KLHL29: variants seen among roughly 807,000 people sequenced by gnomAD.
The protein encoded by KLHL29 is kelch-like protein 29.
Under a neutral mutation model 80.4 loss-of-function variants are expected in KLHL29, and 21 were observed. That is an observed-to-expected ratio of 0.26 (90% CI 0.19 to 0.38). KLHL29 has a LOEUF of 0.38. Among genes scored for constraint, KLHL29 ranks in the 10% least tolerant of loss-of-function variants. The pLI is 1.00. For synonymous variants in KLHL29, 511 were observed against 526.8 expected (o/e 0.97, Z 0.41); for missense variants, 867 against 1,223.9 (o/e 0.71, Z 4.35).
chr2:23,483,237 T>C (rs372109738), intron 2 of KLHL29, among the ~76,000 whole-genome samples: 1 of 152,180 alleles, frequency 6.6e-6, no homozygotes, highest in African/African-American at 2.4e-5. Context: ...ATCAAAACCA[T>C]AGGCTTCAAA....
rs2103460521 is a variant in KLHL29, at chr2:23,509,056, G to T, written c.-46+33389G>T. On this transcript the variant is annotated intron_variant, in intron 2 of 13. Transcript: ENST00000486442. The stretch of plus-strand genomic sequence containing the variant: ...GAATCAAATGGGTTACTGCTTGGAA[G>T]TGCCAAGGATGGTATAGAAATAAAA... Among the ~76,000 whole-genome samples, 3 of 152,350 alleles carry T rather than the reference G, an allele frequency of 2.0e-5. No individual in the cohort carries two copies. In the South Asian group the frequency reaches 6.2e-4, roughly 32 times the overall value.
At position 23,706,688 on chromosome 2, in the gene KLHL29, G is replaced by T; in HGVS notation, c.*24G>T. On this transcript the variant is annotated 3_prime_UTR_variant, in exon 14 of 14. Coordinates refer to ENST00000486442, the MANE Select transcript of KLHL29 (RefSeq NM_052920.2). ...GACATCAGCAGAAAGCCCACGATAA[G>T]ACTGTGGACAAGTCTGGTGAGGCAA... 6.8e-7 allele frequency: 1 copy of T among 1,475,618 alleles called. No homozygotes were observed. The highest frequency in any genetic ancestry group is 1.3e-5 in the South Asian group (1 of 75,230). 91.4% of individuals were successfully genotyped at this position (1,475,618 alleles called of 1,614,324 possible). A position where few individuals can be genotyped will look rare whatever the true frequency, so the allele number is the denominator to read the frequency against.
At chr2:23,451,779 A>G (rs538625101) in intron 1 of KLHL29, among the ~76,000 whole-genome samples, 2 of 152,294 alleles carry the variant, frequency 1.3e-5, no homozygotes, top group Admixed American at 6.5e-5. Flanking sequence ...CAGGCCTGCT[A>G]TTGGGTAATG....
intron 5 of KLHL29, among the ~76,000 whole-genome samples, chr2:23,661,292 T>C (rs1221221429): frequency 1.3e-5 from 2 of 149,228 alleles, no homozygotes; most frequent in African/African-American, 4.9e-5. Flanking sequence ...CAGTGAGCTA[T>C]GATCTCACCA....
chr2:23,679,094 G>A (rs530803035), intron 5 of KLHL29, among the ~76,000 whole-genome samples: 1 of 151,862 alleles, frequency 6.6e-6, no homozygotes, highest in African/African-American at 2.4e-5. Flanking sequence ...AACTAGCAAA[G>A]GTGAAACCAA....
At chr2:23,529,834 C>T (rs1666438519) in intron 2 of KLHL29, among the ~76,000 whole-genome samples, 1 of 152,196 alleles carries the variant, frequency 6.6e-6, no homozygotes, top group Non-Finnish European at 1.5e-5. Context: ...CATTTGCAGA[C>T]TGAGCTCTGG....
chr2:23,488,297 G>A (rs559742124), intron 2 of KLHL29, among the ~76,000 whole-genome samples: 2 of 152,330 alleles, frequency 1.3e-5, no homozygotes, highest in South Asian at 4.1e-4. Context: ...AGTAGACATG[G>A]AAGGCAGAGA....
At chr2:23,519,397 A>C (rs1666031062) in intron 2 of KLHL29, among the ~76,000 whole-genome samples, 2 of 126,502 alleles carry the variant, frequency 1.6e-5, no homozygotes, top group Admixed American at 8.7e-5. Flanking sequence ...CCTGCCTCCC[A>C]TGGCATCCGA....
Position 23,707,692 on chromosome 2 carries a change from G to T in KLHL29, c.*1028G>T, listed in dbSNP as rs976017037. On this transcript the variant is annotated 3_prime_UTR_variant, in exon 14 of 14. Coordinates refer to ENST00000486442, the MANE Select transcript of KLHL29 (RefSeq NM_052920.2). Reference sequence around the variant, plus strand: ...TGAGGTCAAGCTGAGGACCAGGCCAGTGGGAAGGGAAGGAGGGAGAATTAG... The same window carrying T: ...TGAGGTCAAGCTGAGGACCAGGCCATTGGGAAGGGAAGGAGGGAGAATTAG... The T allele has an allele frequency of 1.3e-5, 2 of 152,356 alleles. No homozygotes were observed. The highest frequency in any genetic ancestry group is 3.8e-4 in the East Asian group (2 of 5,200). 9.4% of individuals were successfully genotyped at this position (152,356 alleles called of 1,614,324 possible). A position where few individuals can be genotyped will look rare whatever the true frequency, so the allele number is the denominator to read the frequency against.
chr2:23,457,252 G>A lies in KLHL29; in HGVS notation c.-153-18308G>A, dbSNP rs1169972805. 6.6e-6 allele frequency among the ~76,000 whole-genome samples: 1 copy of A among 152,206 alleles called. No individual in the cohort carries two copies. The highest frequency in any genetic ancestry group is 1.5e-5 in the Non-Finnish European group (1 of 68,032). On this transcript the variant is annotated intron_variant, in intron 1 of 13. Coordinates refer to ENST00000486442, the MANE Select transcript of KLHL29 (RefSeq NM_052920.2). The surrounding 1 kb of genome is among the most constrained non-coding windows in gnomAD (Gnocchi z 4.3). ...TGTAGGATGATGTTTGACCAATGCT[G>A]AACTCATATGGGCTCTGAGCCCAGA...
At chr2:23,435,258 A>G (rs1359672317) in intron 1 of KLHL29, among the ~76,000 whole-genome samples, 1 of 152,044 alleles carries the variant, frequency 6.6e-6, no homozygotes, top group Non-Finnish European at 1.5e-5. Context: ...CAGATTTTAG[A>G]TGATTGTGAA....
intron 3 of KLHL29, among the ~76,000 whole-genome samples, chr2:23,568,773 A>C (rs1020948424): frequency 5.3e-5 from 8 of 152,190 alleles, no homozygotes; most frequent in Non-Finnish European, 8.8e-5. Context: ...TCATTTTTGC[A>C]ATCTACCCAT....
chr2:23,409,422 C>T (rs921320594), intron 1 of KLHL29, among the ~76,000 whole-genome samples: 4 of 152,188 alleles, frequency 2.6e-5, no homozygotes, highest in South Asian at 2.1e-4. Flanking sequence ...CCCACACAGA[C>T]GGCTTGTGAA....
chr2:23,502,748 A>G (rs774545156), intron 2 of KLHL29, among the ~76,000 whole-genome samples: 10 of 152,090 alleles, frequency 6.6e-5, no homozygotes, highest in Non-Finnish European at 8.8e-5. Context: ...GCTGGTGGCC[A>G]CTCCACATTC....
intron 5 of KLHL29, among the ~76,000 whole-genome samples, chr2:23,673,490 T>C (rs1373646683): frequency 2.0e-5 from 3 of 149,228 alleles, no homozygotes; most frequent in Non-Finnish European, 4.4e-5. Flanking sequence ...CAGGGATGCA[T>C]ACACGCCCCC....
intron 2 of KLHL29, chr2:23,506,906 C>T (rs908045442): frequency 9.1e-5 from 17 of 187,032 alleles, no homozygotes; most frequent in Non-Finnish European, 2.4e-5. Context: ...GTAGAAGTCT[C>T]TCTTCCAGAG....
chr2:23,580,517 T>C (rs1667955276), intron 3 of KLHL29, among the ~76,000 whole-genome samples: 1 of 49,244 alleles, frequency 2.0e-5, no homozygotes, highest in African/African-American at 6.1e-5. Flanking sequence ...CTACTAAGAA[T>C]ACAAAAAATT....
chr2:23,684,439 G>T lies in KLHL29; in HGVS notation c.981G>T (p.Ala327=). The T allele has an allele frequency of 6.4e-7, 1 of 1,550,546 alleles. No homozygotes were observed. Among genetic ancestry groups the T allele is most frequent in the Middle Eastern group, 1.7e-4 (1 of 5,990 alleles). ...KELNQQRRAK[A]FTDLKIVVEG... ...TGAACCAGCAACGCAGAGCGAAAGC[G>T]TTTACAGACCTGAAAATTGTTGTTG... Residue 327 remains alanine (A), a synonymous_variant, in exon 6 of 14, where the codon GCG becomes GCT. Coordinates refer to ENST00000486442, the MANE Select transcript of KLHL29 (RefSeq NM_052920.2). The surrounding 1 kb of genome is among the most constrained non-coding windows in gnomAD (Gnocchi z 4.4).
At chr2:23,502,210 T>C (rs892674837) in intron 2 of KLHL29, among the ~76,000 whole-genome samples, 3 of 152,176 alleles carry the variant, frequency 2.0e-5, no homozygotes, top group African/African-American at 7.2e-5. Context: ...AAAAATTCAT[T>C]CTGTGCTTTT....
Sources: allele counts gnomAD v4.1 joint callset (sites outside exome capture counted in the v4.1 genomes callset), GRCh38; gene constraint gnomAD v4.1.1; non-coding constraint Gnocchi (gnomAD v3.1); transcripts MANE v1.5; gene names NCBI Gene and HGNC (gene_info 2026-07-23, HGNC 2026-07-21).